The following DNER variants were observed in gnomAD, a reference collection of about 807,000 sequenced individuals.
The protein encoded by DNER is delta and Notch-like epidermal growth factor-related receptor.
Under a neutral mutation model 78.2 loss-of-function variants are expected in DNER, and 33 were observed. The observed-to-expected ratio is 0.42, with a 90% CI of 0.32 to 0.56. The LOEUF is 0.56. Among genes scored for constraint, DNER ranks in the 20% least tolerant of loss-of-function variants. The pLI is 0.11. For synonymous variants in DNER, 417 were observed against 384.8 expected (o/e 1.08, Z -0.98); for missense variants, 918 against 975.3 (o/e 0.94, Z 0.78).
At chr2:229,586,744 A>C in intron 3 of DNER, 1 of 985,640 alleles carries the variant, frequency 1.0e-6, no homozygotes, top group Non-Finnish European at 1.2e-6. Flanking sequence ...CCTAGCCCAC[A>C]TATTACCTCT....
At chr2:229,711,476 G>A (rs1699911780) in intron 1 of DNER, among the ~76,000 whole-genome samples, 1 of 152,110 alleles carries the variant, frequency 6.6e-6, no homozygotes, top group Non-Finnish European at 1.5e-5. Context: ...AAAGAAGCAT[G>A]TCCTAGACCC....
At chr2:229,577,097 G>A (rs749833535) in intron 4 of DNER, among the ~76,000 whole-genome samples, 19 of 152,200 alleles carry the variant, frequency 1.2e-4, no homozygotes, top group Non-Finnish European at 2.5e-4. Context: ...ATCAGGTTTT[G>A]CTCCAGGAAG....
chr2:229,428,670 T>TG (rs1553604813), intron 8 of DNER, among the ~76,000 whole-genome samples: 9 of 118,240 alleles, frequency 7.6e-5, no homozygotes, highest in Non-Finnish European at 1.9e-4. Flanking sequence ...GGAAGTGATT[T>TG]GAAAAAAAAA....
At chr2:229,629,641 C>T (rs141129935) in intron 1 of DNER, among the ~76,000 whole-genome samples, 161 of 152,274 alleles carry the variant, frequency 1.1e-3, no homozygotes, top group African/African-American at 3.7e-3. Flanking sequence ...GTTCTTATTA[C>T]GAAGACTTGG....
chr2:229,512,729 G>T, intron 6 of DNER, 54 bp downstream of exon 6: 1 of 1,583,710 alleles, frequency 6.3e-7, no homozygotes, highest in Non-Finnish European at 8.6e-7. Context: ...AAAACAAGAG[G>T]TGCATGCTGT....
chr2:229,702,564 A>C (rs7560653), intron 1 of DNER, among the ~76,000 whole-genome samples: 6 of 151,848 alleles, frequency 4.0e-5, no homozygotes, highest in Non-Finnish European at 7.4e-5. Context: ...TGATGATTTT[A>C]AAAAAAGAGT....
intron 8 of DNER, among the ~76,000 whole-genome samples, chr2:229,424,410 T>C (rs1211321053): frequency 6.6e-6 from 1 of 152,218 alleles, no homozygotes; most frequent in Admixed American, 6.5e-5. Flanking sequence ...TTGTCTAGTA[T>C]GTTAGTTTAT....
intron 1 of DNER, among the ~76,000 whole-genome samples, chr2:229,599,784 CA>C (rs1697793051): frequency 6.6e-6 from 1 of 152,024 alleles, no homozygotes; most frequent in Admixed American, 6.5e-5. Context: ...GCGAAAAGGG[CA>C]AAGAAATAAA....
At chr2:229,581,316 T>A (rs1163787869) in intron 4 of DNER, among the ~76,000 whole-genome samples, 1 of 152,214 alleles carries the variant, frequency 6.6e-6, no homozygotes, top group Non-Finnish European at 1.5e-5. Flanking sequence ...GCAATGAATT[T>A]GACTCTTTGA....
intron 1 of DNER, among the ~76,000 whole-genome samples, chr2:229,705,341 T>C (rs944537579): frequency 5.3e-5 from 8 of 152,376 alleles, no homozygotes; most frequent in African/African-American, 1.9e-4. Context: ...GAGCAAAAGA[T>C]AGCAGACACG....
At chr2:229,592,870 A>G (rs2154214678) in intron 1 of DNER, among the ~76,000 whole-genome samples, 1 of 152,350 alleles carries the variant, frequency 6.6e-6, no homozygotes, top group Non-Finnish European at 1.5e-5. Flanking sequence ...AATAAATGAC[A>G]GAGAAGTGGG....
chr2:229,388,129 C>G (rs1692936728), intron 11 of DNER, 136 bp downstream of exon 11: 1 of 1,329,346 alleles, frequency 7.5e-7, no homozygotes, highest in East Asian at 2.6e-5. Flanking sequence ...CCGGTTGTCC[C>G]TCTGGGACTC....
chr2:229,458,420 C>T (rs1030468387), intron 7 of DNER, among the ~76,000 whole-genome samples: 1 of 151,758 alleles, frequency 6.6e-6, no homozygotes, highest in African/African-American at 2.4e-5. Flanking sequence ...AGAGAAGAAG[C>T]CCTTTCTTAG....
chr2:229,674,997 T>G (rs917492690), intron 1 of DNER, among the ~76,000 whole-genome samples: 3 of 152,190 alleles, frequency 2.0e-5, no homozygotes, highest in Non-Finnish European at 4.4e-5. Context: ...TCATCTTTTA[T>G]ATAAAAATCA....
chr2:229,530,536 C>T (rs537471421), intron 5 of DNER, among the ~76,000 whole-genome samples: 1 of 152,366 alleles, frequency 6.6e-6, no homozygotes, highest in East Asian at 1.9e-4. Context: ...AAACGAACTA[C>T]AGTCACACAG....
At chr2:229,520,984 T>C (rs1696083881) in intron 5 of DNER, among the ~76,000 whole-genome samples, 2 of 152,198 alleles carry the variant, frequency 1.3e-5, no homozygotes, top group South Asian at 2.1e-4. Context: ...TCTGGCTGCC[T>C]CTCAGCTTCC....
chr2:229,506,512 T>C (rs1366106282), intron 6 of DNER, among the ~76,000 whole-genome samples: 1 of 88,964 alleles, frequency 1.1e-5, no homozygotes, highest in Admixed American at 1.1e-4. Flanking sequence ...TGCTATGGCC[T>C]TTTTTTTTCT....
At chr2:229,372,856 TGCA>T (rs767765534) in intron 11 of DNER, among the ~76,000 whole-genome samples, 2 of 151,996 alleles carry the variant, frequency 1.3e-5, no homozygotes, top group Non-Finnish European at 2.9e-5. Flanking sequence ...CCAGACTAAA[TGCA>T]GCTTGTACAG....
chr2:229,440,739 ACATTTCC>A (rs756584012), intron 8 of DNER, among the ~76,000 whole-genome samples: 8 of 152,186 alleles, frequency 5.3e-5, no homozygotes, highest in Non-Finnish European at 1.0e-4. Flanking sequence ...GTGCGTATGC[ACATTTCC>A]CATTTCCTCT....
Sources: allele counts gnomAD v4.1 joint callset (sites outside exome capture counted in the v4.1 genomes callset), GRCh38; gene constraint gnomAD v4.1.1; transcripts MANE v1.5; gene names NCBI Gene and HGNC (gene_info 2026-07-23, HGNC 2026-07-21).